Variants in RNASEH2B observed in about 807,000 individuals in gnomAD.
RNASEH2B encodes Aicardi-Goutieres syndrome 2 protein.
A neutral mutation model predicts 45.0 loss-of-function variants in RNASEH2B; 36 were observed. The ratio of observed to expected loss-of-function variants is 0.80; its 90% CI spans 0.61 to 1.06. The LOEUF (loss-of-function observed/expected upper bound fraction) is 1.06. Among genes scored for constraint, RNASEH2B ranks in the 50% least tolerant of loss-of-function variants. RNASEH2B has a pLI of 0.00. For missense variants in RNASEH2B, 361 were observed against 360.3 expected (o/e 1.00, Z -0.02); for synonymous variants, 119 against 125.7 (o/e 0.95, Z 0.35).
At chr13:50,949,796 T>G (rs1351265786) in intron 9 of RNASEH2B, among the ~76,000 whole-genome samples, 1 of 152,220 alleles carries the variant, frequency 6.6e-6, no homozygotes, top group East Asian at 1.9e-4. Context: ...CTTCCTGCAT[T>G]AGTTAGATCA....
At chr13:50,928,038 C>T (rs1951623213) in intron 2 of RNASEH2B, among the ~76,000 whole-genome samples, 1 of 149,850 alleles carries the variant, frequency 6.7e-6, no homozygotes, top group Non-Finnish European at 1.5e-5. Flanking sequence ...GGATTCATAT[C>T]TTATTGGAAA....
chr13:50,917,350 G>A (rs1277190911), intron 1 of RNASEH2B, among the ~76,000 whole-genome samples: 1 of 152,202 alleles, frequency 6.6e-6, no homozygotes, highest in Non-Finnish European at 1.5e-5. Context: ...GCCAACATTA[G>A]GGGTTTCTCA....
chr13:50,947,897 C>A, intron 7 of RNASEH2B, 90 bp from the exon 8 acceptor site: 1 of 1,586,826 alleles, frequency 6.3e-7, no homozygotes, highest in African/African-American at 1.3e-5. Flanking sequence ...CAGATAGGGT[C>A]AGAATTTGAA....
At position 50,934,917 on chromosome 13, in the gene RNASEH2B, G is replaced by A. The variant is rs1951726994; in HGVS notation, c.354G>A (p.Val118=). The A allele has an allele frequency of 3.1e-6, 5 of 1,613,852 alleles. No individual in the cohort carries two copies. In the East Asian group the frequency reaches 8.9e-5, roughly 29 times the overall value. ...GKFQPLDQVV[V]DNVFPNCILL... is the part of the protein sequence containing the mutation. Reference sequence around the variant, plus strand: ...TTCAGCCCCTTGATCAAGTTGTGGTGGATAACGTGTTTCCAAATTGCATCT... The same window carrying A: ...TTCAGCCCCTTGATCAAGTTGTGGTAGATAACGTGTTTCCAAATTGCATCT... The change falls in exon 5 of 11, where the codon GTG becomes GTA. Residue 118 remains valine (V), a synonymous_variant. Transcript: ENST00000336617.
At chr13:50,927,526 T>C (rs746875208) in intron 2 of RNASEH2B, 48 bp downstream of exon 2, 1 of 1,158,426 alleles carries the variant, frequency 8.6e-7, no homozygotes, top group South Asian at 1.2e-5. Flanking sequence ...TTGTGGCTAA[T>C]GAGTATATAC....
intron 5 of RNASEH2B, 196 bp from the exon 6 acceptor site, chr13:50,943,125 T>C (rs956632007): frequency 1.9e-6 from 1 of 519,728 alleles, no homozygotes; most frequent in African/African-American, 2.0e-5. Flanking sequence ...ATTTAGTGGT[T>C]GATGACTCCT....
chr13:50,924,667 T>TC (rs751252673), intron 1 of RNASEH2B, among the ~76,000 whole-genome samples: 35 of 152,142 alleles, frequency 2.3e-4, no homozygotes, highest in Non-Finnish European at 4.1e-4. Context: ...CAAGTGATCC[T>TC]CCCACCTTAG....
exon 10 of RNASEH2B, chr13:50,970,276 A>C (rs1431138912): frequency 1.9e-6 from 1 of 516,512 alleles, no homozygotes; most frequent in Non-Finnish European, 3.3e-6. Context: ...GGATGTGGTG[A>C]CTTAAAGTAC....
At chr13:50,949,588 T>C in intron 9 of RNASEH2B, 83 bp downstream of exon 9, 3 of 1,265,052 alleles carry the variant, frequency 2.4e-6, no homozygotes, top group Non-Finnish European at 3.5e-6. Flanking sequence ...GGTTCTAATA[T>C]ATTTTAAGGT....
In RNASEH2B at chr13:50,956,734, T is replaced by C; in HGVS notation, c.*260T>C. Reference sequence around the variant, plus strand: ...AGAGAATTAACATATAGCATCATGATTTTCTCAATAAACTGATGTGTGACA... The same window carrying C: ...AGAGAATTAACATATAGCATCATGACTTTCTCAATAAACTGATGTGTGACA... On this transcript the variant is annotated 3_prime_UTR_variant, in exon 11 of 11. Coordinates refer to ENST00000336617, the MANE Select transcript of RNASEH2B (RefSeq NM_024570.4). 4.2e-6 allele frequency: 5 copies of C among 1,201,662 alleles called. No homozygotes were observed. Among genetic ancestry groups the C allele is most frequent in the Non-Finnish European group, 5.2e-6 (5 of 954,608 alleles). 74.4% of individuals were successfully genotyped at this position (1,201,662 alleles called of 1,614,324 possible). A position where few individuals can be genotyped will look rare whatever the true frequency, so the allele number is the denominator to read the frequency against.
chr13:50,960,198 A>G (rs1006329931), downstream of RNASEH2B: 34 of 966,422 alleles, frequency 3.5e-5, no homozygotes, highest in Non-Finnish European at 4.4e-5. Context: ...TTATATATTT[A>G]TCTTTTAAAT....
intron 5 of RNASEH2B, chr13:50,937,050 G>A (rs1261354472): frequency 6.6e-6 from 1 of 151,834 alleles, no homozygotes; most frequent in Admixed American, 6.6e-5. Flanking sequence ...TTAAGTGATG[G>A]GCAAAACATA....
At chr13:50,931,405 G>A (rs1951679515) in intron 4 of RNASEH2B, among the ~76,000 whole-genome samples, 1 of 152,048 alleles carries the variant, frequency 6.6e-6, no homozygotes, top group East Asian at 1.9e-4. Flanking sequence ...TTAAAACTGA[G>A]AGATTTAAAA....
At chr13:50,957,796 G>C (rs186292222), downstream of RNASEH2B, among the ~76,000 whole-genome samples, 1 of 152,130 alleles carries the variant, frequency 6.6e-6, no homozygotes, top group Admixed American at 6.5e-5. Context: ...AATAATACCT[G>C]CTCTGACTGG....
chr13:50,929,486 A>G lies in RNASEH2B; in HGVS notation c.148A>G (p.Ile50Val), dbSNP rs1951648835. The G allele has an allele frequency of 6.2e-7, 1 of 1,611,694 alleles. No homozygotes were observed. The highest frequency in any genetic ancestry group is 8.5e-7 in the Non-Finnish European group (1 of 1,177,884). Residue 50 changes from isoleucine (I) to valine (V), a missense_variant, in exon 3 of 11, where the codon ATT (isoleucine) becomes GTT (valine). Transcript: ENST00000336617. ...LVNPCSGEGA[I>V]YLFNMCLQQL... ...ATTTGTCTTAACAGGAGAAGGAGCC[A>G]TTTACTTGTTCAATATGTGTCTACA...
chr13:50,956,018 C>T (rs1952042289), intron 10 of RNASEH2B: 3 of 234,452 alleles, frequency 1.3e-5, no homozygotes, highest in East Asian at 1.0e-4. Flanking sequence ...GTAATTCCTA[C>T]CTCTGACAAT....
At chr13:50,950,019 T>C in intron 9 of RNASEH2B, 1 of 153,990 alleles carries the variant, frequency 6.5e-6, no homozygotes, top group Non-Finnish European at 1.4e-5. Flanking sequence ...TCCTCATTCA[T>C]TCTCAGGCTG....
downstream of RNASEH2B, among the ~76,000 whole-genome samples, chr13:50,957,210 A>G (rs1158747077): frequency 6.6e-6 from 1 of 152,016 alleles, no homozygotes; most frequent in Admixed American, 6.6e-5. Context: ...GGTAGTGAGC[A>G]TAGTACCCAA....
In RNASEH2B at chr13:50,947,973, T is replaced by C. The variant is rs775702265; in HGVS notation, c.617-14T>C. ...TTTTTTTTTTGCTTTCACTCCTCCT[T>C]CTGTTTCTTTCAGAGGATTATATTC... is the stretch of plus-strand genomic sequence containing the variant. On this transcript the variant is annotated splice_polypyrimidine_tract_variant and intron_variant, in intron 7 of 10. Coordinates refer to ENST00000336617, the MANE Select transcript of RNASEH2B (RefSeq NM_024570.4). 5 of 1,608,566 alleles carry C rather than the reference T, an allele frequency of 3.1e-6. No homozygotes were observed. Among genetic ancestry groups the C allele is most frequent in the African/African-American group, 1.3e-5 (1 of 74,812 alleles).
Sources: gnomAD v4.1 joint callset for allele counts (sites outside exome capture counted in the v4.1 genomes callset) on GRCh38, gnomAD v4.1.1 for gene constraint, MANE v1.5 for transcripts, NCBI Gene and HGNC (gene_info 2026-07-23, HGNC 2026-07-21) for gene names.